LRRC4C: variants seen among roughly 807,000 people sequenced by gnomAD.
The protein encoded by LRRC4C is leucine-rich repeat-containing protein 4C.
LRRC4C carries 5 observed loss-of-function variants against 33.6 expected under a neutral mutation model. That is an observed-to-expected ratio of 0.15 (90% CI 0.08 to 0.31). The LOEUF is 0.31. LRRC4C is among the 10% of genes least tolerant of loss of function. The pLI, the probability that LRRC4C is intolerant of heterozygous loss-of-function variation, is 1.00. For missense variants in LRRC4C, 560 were observed against 796.7 expected, an observed-to-expected ratio of 0.70 and a Z score of 3.58; for synonymous variants, 329 against 302.0, an observed-to-expected ratio of 1.09 and a Z score of -0.93.
intron 3 of LRRC4C, among the ~76,000 whole-genome samples, chr11:40,580,058 G>GGT (rs72110597): frequency 0.076 from 10,991 of 145,420 alleles, 461 homozygotes; most frequent in African/African-American, 0.12. Context: ...GTACTTTTCA[G>GGT]GTGTGTGTGT....
chr11:40,500,243 A>C (rs1158710198), intron 3 of LRRC4C, among the ~76,000 whole-genome samples: 1 of 145,834 alleles, frequency 6.9e-6, no homozygotes, highest in Non-Finnish European at 1.5e-5. Flanking sequence ...ATTAAGGTAA[A>C]GTATCTAGAC....
chr11:40,220,585 T>C (rs973310676), intron 5 of LRRC4C, among the ~76,000 whole-genome samples: 16 of 152,160 alleles, frequency 1.1e-4, no homozygotes, highest in African/African-American at 3.9e-4. Flanking sequence ...TAAAATATAT[T>C]AAAGATCCAT....
intron 3 of LRRC4C, among the ~76,000 whole-genome samples, chr11:40,435,083 G>T (rs1951091209): frequency 6.6e-6 from 1 of 152,134 alleles, no homozygotes; most frequent in Admixed American, 6.5e-5. Context: ...TAAACATCTG[G>T]GTAGGAGTAG....
intron 1 of LRRC4C, among the ~76,000 whole-genome samples, chr11:41,190,198 C>T (rs1337325164): frequency 2.0e-5 from 3 of 152,048 alleles, no homozygotes; most frequent in African/African-American, 7.2e-5. Context: ...TATGCTGTTG[C>T]CCTGATCACT....
chr11:41,165,457 C>T (rs1437645921), intron 1 of LRRC4C, among the ~76,000 whole-genome samples: 1 of 151,922 alleles, frequency 6.6e-6, no homozygotes, highest in Non-Finnish European at 1.5e-5. Flanking sequence ...CAAGTAACAC[C>T]CTCAGTATAT....
chr11:41,230,287 G>A (rs764054581), intron 1 of LRRC4C, among the ~76,000 whole-genome samples: 2 of 152,040 alleles, frequency 1.3e-5, no homozygotes, highest in South Asian at 2.1e-4. Context: ...ATGTGTAGAA[G>A]AGAACTCATG....
At chr11:40,640,053 A>G (rs2136080809) in intron 3 of LRRC4C, among the ~76,000 whole-genome samples, 1 of 152,278 alleles carries the variant, frequency 6.6e-6, no homozygotes, top group East Asian at 1.9e-4. Context: ...GCTACCTATC[A>G]CTTCTCAGAC....
chr11:41,429,839 T>A (rs1269580175), intron 1 of LRRC4C, among the ~76,000 whole-genome samples: 1 of 151,726 alleles, frequency 6.6e-6, no homozygotes, highest in East Asian at 1.9e-4. Context: ...AAAATGAAAA[T>A]AAAATTAAAA....
At chr11:40,887,386 T>C (rs1565170942) in intron 2 of LRRC4C, among the ~76,000 whole-genome samples, 2 of 152,010 alleles carry the variant, frequency 1.3e-5, no homozygotes, top group South Asian at 2.1e-4. Flanking sequence ...CTTCTTCGTA[T>C]GCTGAAATAG....
intron 1 of LRRC4C, among the ~76,000 whole-genome samples, chr11:41,152,688 T>C (rs1474191788): frequency 6.6e-6 from 1 of 152,198 alleles, no homozygotes; most frequent in Non-Finnish European, 1.5e-5. Flanking sequence ...TTCCATAATT[T>C]AACCTTCTAA....
chr11:40,643,062 G>T (rs1942221454), intron 3 of LRRC4C, among the ~76,000 whole-genome samples: 1 of 152,140 alleles, frequency 6.6e-6, no homozygotes, highest in Non-Finnish European at 1.5e-5. Context: ...CATACAAAAA[G>T]CTCTGAATCC....
intron 1 of LRRC4C, among the ~76,000 whole-genome samples, chr11:41,218,490 C>T (rs984215514): frequency 3.3e-5 from 5 of 152,130 alleles, no homozygotes; most frequent in Non-Finnish European, 5.9e-5. Context: ...GTCTGGCAAC[C>T]GCCTGAGCTA....
intron 3 of LRRC4C, among the ~76,000 whole-genome samples, chr11:40,534,278 A>G (rs188806954): frequency 9.9e-5 from 15 of 152,226 alleles, no homozygotes; most frequent in Admixed American, 9.8e-4. Context: ...CCAAATTATC[A>G]TTTCTTCACT....
intron 2 of LRRC4C, among the ~76,000 whole-genome samples, chr11:40,697,463 C>T (rs866283805): frequency 5.3e-5 from 8 of 152,068 alleles, no homozygotes; most frequent in African/African-American, 1.9e-4. Flanking sequence ...AAAGGAATAA[C>T]ATTTTAATCA....
At chr11:40,226,646 C>T (rs977380540) in intron 5 of LRRC4C, among the ~76,000 whole-genome samples, 6 of 152,152 alleles carry the variant, frequency 3.9e-5, no homozygotes, top group Non-Finnish European at 7.3e-5. Context: ...ACATGTTGCA[C>T]AGAGCACTGG....
At chr11:40,475,838 G>C (rs1006775737) in intron 3 of LRRC4C, among the ~76,000 whole-genome samples, 1 of 152,100 alleles carries the variant, frequency 6.6e-6, no homozygotes, top group Non-Finnish European at 1.5e-5. Flanking sequence ...TAGCATCACA[G>C]TTCCTGGGTT....
chr11:41,214,956 A>T (rs1946989212), intron 1 of LRRC4C, among the ~76,000 whole-genome samples: 1 of 146,890 alleles, frequency 6.8e-6, no homozygotes, highest in Admixed American at 6.8e-5. Context: ...TGAATTGTTT[A>T]GTCATAATTT....
In LRRC4C at chr11:40,134,167, G is replaced by C. The variant is rs368262140; in HGVS notation, c.-43+6634C>G. Reference sequence around the variant, plus strand: ...AGCTACTTGGGAGGCTGAAGCAGAAGGTTCACTTGAGCCCAGGAATCTGAG... The same window carrying C: ...AGCTACTTGGGAGGCTGAAGCAGAACGTTCACTTGAGCCCAGGAATCTGAG... On this transcript the variant is annotated intron_variant, in intron 6 of 6. Transcript: ENST00000528697. Among the ~76,000 whole-genome samples the C allele has an allele frequency of 5.2e-4, 79 of 152,178 alleles. 2 individuals carry two copies. The South Asian group carries it at 0.016, about 31-fold the overall frequency.
At chr11:41,090,711 T>TG (rs1940350867) in intron 1 of LRRC4C, among the ~76,000 whole-genome samples, 2 of 152,086 alleles carry the variant, frequency 1.3e-5, no homozygotes, top group African/African-American at 2.4e-5. Context: ...GATTGCATCT[T>TG]GGGGGCAGTT....
Sources: allele counts gnomAD v4.1 joint callset (sites outside exome capture counted in the v4.1 genomes callset), GRCh38; gene constraint gnomAD v4.1.1; transcripts MANE v1.5; gene names NCBI Gene and HGNC (gene_info 2026-07-23, HGNC 2026-07-21).